The following NLK variants were observed in gnomAD, a reference collection of about 807,000 sequenced individuals.
NLK encodes the protein serine/threonine-protein kinase NLK.
NLK carries 11 observed loss-of-function variants against 59.0 expected under a neutral mutation model. That is an observed-to-expected ratio of 0.19 (90% CI 0.12 to 0.31). The LOEUF (loss-of-function observed/expected upper bound fraction) is 0.31, where lower values mean the gene tolerates loss of function less well. Among genes scored for constraint, NLK ranks in the 10% least tolerant of loss-of-function variants. NLK has a pLI of 1.00. For missense variants in NLK, 410 were observed against 661.1 expected (o/e 0.62, Z 4.16); for synonymous variants, 235 against 235.9 (o/e 1.00, Z 0.03).
chr17:28,087,990 A>C (rs1348664105), intron 1 of NLK, among the ~76,000 whole-genome samples: 1 of 152,222 alleles, frequency 6.6e-6, no homozygotes, highest in African/African-American at 2.4e-5. Flanking sequence ...GAATGTCAGC[A>C]TCTAGGGAGT....
At chr17:28,179,000 C>T (rs1380758266) in intron 7 of NLK, among the ~76,000 whole-genome samples, 3 of 152,196 alleles carry the variant, frequency 2.0e-5, no homozygotes, top group Non-Finnish European at 2.9e-5. Context: ...GGGCCACTCA[C>T]CCAAGTCCAG....
intron 1 of NLK, among the ~76,000 whole-genome samples, chr17:28,113,853 G>A (rs1360563120): frequency 2.0e-5 from 3 of 152,072 alleles, no homozygotes; most frequent in Non-Finnish European, 4.4e-5. Context: ...CTCTCCTCCT[G>A]AGATAATCAC....
chr17:28,095,345 A>G (rs1328035441), intron 1 of NLK, among the ~76,000 whole-genome samples: 1 of 152,160 alleles, frequency 6.6e-6, no homozygotes, highest in African/African-American at 2.4e-5. Context: ...TGAAAAGTCT[A>G]CATGGCCATG....
In NLK at chr17:28,042,772, T is replaced by C; in HGVS notation, c.-102T>C. The C allele has an allele frequency of 9.5e-7, 1 of 1,047,368 alleles. No individual in the cohort carries two copies. The allele number at this position is 1,047,368 out of a possible 1,614,324, so 64.9% of individuals were successfully genotyped here. On this transcript the variant is annotated 5_prime_UTR_variant, in exon 1 of 11. Coordinates refer to ENST00000407008, the MANE Select transcript of NLK (RefSeq NM_016231.5). ...GGATTGACTGATGAAGACATAAAGC[T>C]CTATGTTTTTTGAGGTGGAGTGAGT...
chr17:28,146,388 A>ATGG (rs1218232569), intron 3 of NLK, among the ~76,000 whole-genome samples: 1 of 151,392 alleles, frequency 6.6e-6, no homozygotes, highest in African/African-American at 2.4e-5. Flanking sequence ...GATGTTGATG[A>ATGG]TGATGATGAT....
chr17:28,181,653 C>T (rs1027591533), intron 7 of NLK, among the ~76,000 whole-genome samples: 4 of 151,820 alleles, frequency 2.6e-5, no homozygotes, highest in African/African-American at 9.7e-5. Context: ...ACTTGAATGC[C>T]AAATATACTG....
intron 10 of NLK, among the ~76,000 whole-genome samples, chr17:28,193,269 A>G (rs1909373403): frequency 6.6e-6 from 1 of 152,122 alleles, no homozygotes; most frequent in East Asian, 1.9e-4. Flanking sequence ...AATTTAGAAG[A>G]GGTTCCTCAT....
intron 1 of NLK, among the ~76,000 whole-genome samples, chr17:28,088,712 G>T (rs1904370680): frequency 6.6e-6 from 1 of 152,038 alleles, no homozygotes; most frequent in Non-Finnish European, 1.5e-5. Context: ...CATAACCCTA[G>T]TTGTCTAGAT....
At chr17:28,052,017 T>C (rs1909274460) in intron 1 of NLK, among the ~76,000 whole-genome samples, 2 of 152,150 alleles carry the variant, frequency 1.3e-5, no homozygotes, top group Admixed American at 1.3e-4. Context: ...TGTTCATTTT[T>C]TTTTCATCAA....
At chr17:28,072,258 A>G (rs545334098) in intron 1 of NLK, among the ~76,000 whole-genome samples, 8 of 151,464 alleles carry the variant, frequency 5.3e-5, no homozygotes, top group East Asian at 3.9e-4. Flanking sequence ...TAGTCTGACA[A>G]TCTTTTAAGG....
chr17:28,131,699 G>A (rs1297883370), intron 2 of NLK, among the ~76,000 whole-genome samples: 1 of 151,558 alleles, frequency 6.6e-6, no homozygotes, highest in Non-Finnish European at 1.5e-5. Context: ...TTTGAGCTTG[G>A]TATTTCTCAT....
chr17:28,123,919 T>G (rs1906181273), intron 2 of NLK, among the ~76,000 whole-genome samples: 1 of 152,198 alleles, frequency 6.6e-6, no homozygotes, highest in African/African-American at 2.4e-5. Context: ...TTAATTGCCA[T>G]AATAAAAACT....
chr17:28,140,072 T>C (rs1259918066), intron 3 of NLK, among the ~76,000 whole-genome samples: 1 of 151,924 alleles, frequency 6.6e-6, no homozygotes, highest in Non-Finnish European at 1.5e-5. Flanking sequence ...GGATAGATAT[T>C]CCAGATGGTG....
At chr17:28,099,006 T>G (rs906106787) in intron 1 of NLK, among the ~76,000 whole-genome samples, 2 of 152,022 alleles carry the variant, frequency 1.3e-5, no homozygotes, top group African/African-American at 2.4e-5. Context: ...TGTACAGGCT[T>G]ATTTTGTCTG....
At chr17:28,190,922 A>G (rs1441085863) in intron 8 of NLK, 99 bp from the exon 9 acceptor site, 9 of 785,210 alleles carry the variant, frequency 1.1e-5, no homozygotes, top group Admixed American at 2.9e-5. Flanking sequence ...TAAATTATAT[A>G]TATGCTATGT....
chr17:28,130,775 G>T (rs1208090264), intron 2 of NLK, among the ~76,000 whole-genome samples: 2 of 152,140 alleles, frequency 1.3e-5, no homozygotes, highest in Admixed American at 6.5e-5. Flanking sequence ...ATTTCTAACT[G>T]CCTTCCTCAG....
intron 1 of NLK, among the ~76,000 whole-genome samples, chr17:28,098,119 A>G (rs1402591713): frequency 6.6e-6 from 1 of 152,212 alleles, no homozygotes; most frequent in East Asian, 1.9e-4. Context: ...CCCAGATAAT[A>G]TAAACCTACG....
At chr17:28,171,760 A>G (rs1477125058) in intron 6 of NLK, among the ~76,000 whole-genome samples, 9 of 152,224 alleles carry the variant, frequency 5.9e-5, no homozygotes, top group Non-Finnish European at 1.5e-5. Context: ...TGGAAAGAAT[A>G]GTCATTAGGC....
At chr17:28,178,791 G>A (rs1221909060) in intron 7 of NLK, among the ~76,000 whole-genome samples, 1 of 152,178 alleles carries the variant, frequency 6.6e-6, no homozygotes, top group Non-Finnish European at 1.5e-5. Context: ...TTACTATTGT[G>A]TACTCACTGT....
Sources: allele counts gnomAD v4.1 joint callset (sites outside exome capture counted in the v4.1 genomes callset), GRCh38; gene constraint gnomAD v4.1.1; transcripts MANE v1.5; gene names NCBI Gene and HGNC (gene_info 2026-07-23, HGNC 2026-07-21).